CSGALNACT1: variants seen among roughly 807,000 people sequenced by gnomAD.
CSGALNACT1 encodes beta4GalNAcT-1.
In CSGALNACT1, 52 loss-of-function variants were observed where a neutral mutation model predicts 51.0. The observed-to-expected ratio is 1.02, with a 90% CI of 0.82 to 1.29. The LOEUF (loss-of-function observed/expected upper bound fraction) is 1.29, where lower values mean the gene tolerates loss of function less well. Among genes scored for constraint, CSGALNACT1 ranks in the 50% most tolerant of loss-of-function variants. CSGALNACT1 has a pLI of 0.00. For missense variants in CSGALNACT1, 935 were observed against 679.2 expected, an observed-to-expected ratio of 1.38 and a Z score of -4.19; for synonymous variants, 341 against 254.4, an observed-to-expected ratio of 1.34 and a Z score of -3.24.
chr8:19,498,998 C>A (rs922724222), intron 4 of CSGALNACT1, among the ~76,000 whole-genome samples: 6 of 152,056 alleles, frequency 3.9e-5, no homozygotes, highest in Non-Finnish European at 5.9e-5. Flanking sequence ...CACCTGTAGC[C>A]CAGCTGCTCC....
chr8:19,581,558 G>C (rs7816564), intron 3 of CSGALNACT1, among the ~76,000 whole-genome samples: 2 of 152,142 alleles, frequency 1.3e-5, no homozygotes. Flanking sequence ...AGTGAGCCGA[G>C]ATCGTGCCAC....
chr8:19,528,516 C>G (rs2082150541), intron 3 of CSGALNACT1, among the ~76,000 whole-genome samples: 2 of 152,254 alleles, frequency 1.3e-5, no homozygotes, highest in South Asian at 2.1e-4. Context: ...GTGACTGCCT[C>G]TTTACTAATT....
At chr8:19,405,218 T>C (rs2053915762) in exon 10 of CSGALNACT1, 2 of 450,154 alleles carry the variant, frequency 4.4e-6, no homozygotes, top group African/African-American at 2.0e-5. Flanking sequence ...CAGATTATTT[T>C]TGGTTAATCT....
chr8:19,483,511 T>G (rs1256907388), intron 4 of CSGALNACT1, among the ~76,000 whole-genome samples: 1 of 152,206 alleles, frequency 6.6e-6, no homozygotes, highest in Admixed American at 6.5e-5. Context: ...ATACTGGCCA[T>G]CCCCAGTCTA....
At chr8:19,684,436 G>C (rs187578709), upstream of CSGALNACT1, among the ~76,000 whole-genome samples, 11 of 152,254 alleles carry the variant, frequency 7.2e-5, no homozygotes, top group African/African-American at 2.4e-4. Context: ...ATAAGATTAT[G>C]AGAATAAAAT....
intron 1 of CSGALNACT1, among the ~76,000 whole-genome samples, chr8:19,634,905 G>C (rs1056172879): frequency 1.1e-4 from 17 of 152,136 alleles, no homozygotes; most frequent in African/African-American, 4.1e-4. Context: ...ATTTAAGTGA[G>C]AACACAATGT....
intron 1 of CSGALNACT1, among the ~76,000 whole-genome samples, chr8:19,711,240 T>C (rs2062486303): frequency 2.0e-5 from 3 of 152,180 alleles, no homozygotes; most frequent in South Asian, 2.1e-4. Flanking sequence ...GAAAAAAAGA[T>C]AGAAGCTGAA....
chr8:19,412,678 C>T (rs1045505472), intron 8 of CSGALNACT1, among the ~76,000 whole-genome samples: 8 of 152,156 alleles, frequency 5.3e-5, no homozygotes, highest in Non-Finnish European at 1.0e-4. Flanking sequence ...GCCCCAAGGC[C>T]TGCTGTCACT....
chr8:19,484,425 T>G (rs544474044), intron 4 of CSGALNACT1, among the ~76,000 whole-genome samples: 1 of 152,276 alleles, frequency 6.6e-6, no homozygotes, highest in African/African-American at 2.4e-5. Flanking sequence ...GAAATGATAT[T>G]TATTTATTTT....
chr8:19,532,944 G>A (rs935134974), intron 3 of CSGALNACT1, among the ~76,000 whole-genome samples: 6 of 152,108 alleles, frequency 3.9e-5, no homozygotes, highest in Admixed American at 6.6e-5. Flanking sequence ...GATCAACACT[G>A]TCATCTTTGT....
At chr8:19,701,153 G>GTTTTTTTTTTTTTTTTT (rs767074945) in intron 1 of CSGALNACT1, among the ~76,000 whole-genome samples, 10 of 93,280 alleles carry the variant, frequency 1.1e-4, no homozygotes, top group South Asian at 4.5e-4. Flanking sequence ...TCTATTATCC[G>GTTTTTTTTTTTTTTTTT]TTTTTTTTTT....
At chr8:19,700,313 C>T (rs1284766919) in intron 1 of CSGALNACT1, among the ~76,000 whole-genome samples, 4 of 151,924 alleles carry the variant, frequency 2.6e-5, no homozygotes, top group South Asian at 2.1e-4. Context: ...CTTTCAACTT[C>T]GACTGTGACT....
intron 3 of CSGALNACT1, among the ~76,000 whole-genome samples, chr8:19,544,982 A>C (rs1198305336): frequency 2.6e-5 from 4 of 151,786 alleles, no homozygotes; most frequent in African/African-American, 9.7e-5. Flanking sequence ...GGGAGAAGCC[A>C]GTCAGTCCAT....
chr8:19,544,617 G>C (rs17408321), intron 3 of CSGALNACT1, among the ~76,000 whole-genome samples: 18,838 of 152,122 alleles, frequency 0.12, 1,332 homozygotes, highest in Non-Finnish European at 0.16. Flanking sequence ...GAGAGGATTT[G>C]AAACTGCCTT....
At chr8:19,723,968 G>A (rs1239730679) in intron 1 of CSGALNACT1, among the ~76,000 whole-genome samples, 3 of 152,138 alleles carry the variant, frequency 2.0e-5, no homozygotes, top group African/African-American at 4.8e-5. Flanking sequence ...TTTATTTCAA[G>A]GAGGGGAGGC....
chr8:19,455,903 C>A (rs1399549319), intron 5 of CSGALNACT1, among the ~76,000 whole-genome samples: 1 of 152,222 alleles, frequency 6.6e-6, no homozygotes, highest in Non-Finnish European at 1.5e-5. Flanking sequence ...ATGTCTAGCA[C>A]ATGCAAAAGG....
chr8:19,720,457 T>A (rs2006476), intron 1 of CSGALNACT1, among the ~76,000 whole-genome samples: 83,690 of 151,992 alleles, frequency 0.55, 24,199 homozygotes, highest in East Asian at 0.85. Context: ...GCTAAAAGCA[T>A]TTAAATTGGG....
At chr8:19,504,582 A>C (rs2076967206) in intron 4 of CSGALNACT1, among the ~76,000 whole-genome samples, 1 of 152,248 alleles carries the variant, frequency 6.6e-6, no homozygotes. Flanking sequence ...CCCGTGAAAA[A>C]AAAGATGAGC....
intron 1 of CSGALNACT1, among the ~76,000 whole-genome samples, chr8:19,673,069 T>C (rs2059913672): frequency 6.6e-6 from 1 of 152,242 alleles, no homozygotes; most frequent in Admixed American, 6.5e-5. Context: ...ATTTATAATG[T>C]AGCCTTAGAA....
Sources: allele counts gnomAD v4.1 joint callset (sites outside exome capture counted in the v4.1 genomes callset), GRCh38; gene constraint gnomAD v4.1.1; transcripts MANE v1.5; gene names NCBI Gene and HGNC (gene_info 2026-07-23, HGNC 2026-07-21).